Variants in KIZ observed in about 807,000 individuals in gnomAD.
KIZ encodes centrosomal protein kizuna.
In KIZ, 68 loss-of-function variants were observed where a neutral mutation model predicts 79.6. The ratio of observed to expected loss-of-function variants is 0.85; its 90% CI spans 0.70 to 1.05. The LOEUF (loss-of-function observed/expected upper bound fraction) is 1.05. KIZ is among the 50% of genes least tolerant of loss of function. The probability of loss-of-function intolerance (pLI) is 0.00; values close to 1 mark genes in which losing one functional copy is unlikely to be tolerated. For synonymous variants in KIZ, 280 were observed against 281.8 expected (o/e 0.99, Z 0.06); for missense variants, 797 against 800.4 (o/e 1.00, Z 0.05).
chr20:21,240,345 G>A (rs895815625), intron 11 of KIZ, among the ~76,000 whole-genome samples: 3 of 152,124 alleles, frequency 2.0e-5, no homozygotes, highest in African/African-American at 4.8e-5. Context: ...GGCTGATCTC[G>A]AACTCCTGAC....
At chr20:21,125,996 G>A (rs2031418944), upstream of KIZ, 5 of 1,311,436 alleles carry the variant, frequency 3.8e-6, no homozygotes, top group East Asian at 3.1e-5. Context: ...GTCTTGCCCC[G>A]CCTCCTGCAG....
At chr20:21,163,983 T>G (rs1002401067) in intron 6 of KIZ, among the ~76,000 whole-genome samples, 1 of 152,024 alleles carries the variant, frequency 6.6e-6, no homozygotes, top group African/African-American at 2.4e-5. Context: ...CTTTTACAAA[T>G]GAGGAAACGA....
At chr20:21,193,076 G>T (rs1003814370) in intron 6 of KIZ, among the ~76,000 whole-genome samples, 3 of 147,722 alleles carry the variant, frequency 2.0e-5, no homozygotes, top group Non-Finnish European at 2.9e-5. Context: ...GTGGGGGAGG[G>T]AAGGTCAGAG....
intron 6 of KIZ, among the ~76,000 whole-genome samples, chr20:21,191,764 C>T (rs1305294048): frequency 6.6e-6 from 1 of 151,530 alleles, no homozygotes; most frequent in African/African-American, 2.4e-5. Context: ...TGATTTGTAC[C>T]TGAGAAGAAT....
intron 1 of KIZ, among the ~76,000 whole-genome samples, chr20:21,126,700 AG>A (rs1202436883): frequency 6.6e-6 from 1 of 152,104 alleles, no homozygotes; most frequent in Admixed American, 6.6e-5. Flanking sequence ...GGAGACTTTT[AG>A]GGGTAGCGAG....
At chr20:21,156,302 C>G (rs2033378629) in intron 4 of KIZ, among the ~76,000 whole-genome samples, 1 of 151,994 alleles carries the variant, frequency 6.6e-6, no homozygotes, top group African/African-American at 2.4e-5. Flanking sequence ...TCTTTTTTTG[C>G]TGTTCCAGGA....
intron 6 of KIZ, among the ~76,000 whole-genome samples, chr20:21,185,454 G>A (rs1379598437): frequency 7.1e-6 from 1 of 140,934 alleles, no homozygotes; most frequent in Non-Finnish European, 1.5e-5. Flanking sequence ...CTGTCACCCA[G>A]GCTGGAATGC....
rs944935213 is a variant in KIZ, at chr20:21,135,042, C to T, written c.153-1348C>T. On this transcript the variant is annotated intron_variant, in intron 2 of 12. Coordinates refer to ENST00000619189, the MANE Select transcript of KIZ (RefSeq NM_018474.6). ...GCCTTTTCAGCTAGGTCAGGTTGCC[C>T]GGTGTGTAGAAGTCCTTTTTAGTTT... 2.6e-5 allele frequency among the ~76,000 whole-genome samples: 4 copies of T among 152,148 alleles called. No individual in the cohort carries two copies. The South Asian group carries it at 6.2e-4, about 24-fold the overall frequency.
chr20:21,242,764 C>G (rs988744385), intron 11 of KIZ, among the ~76,000 whole-genome samples: 9 of 152,144 alleles, frequency 5.9e-5, no homozygotes, highest in African/African-American at 2.2e-4. Context: ...CCTTGTTCCC[C>G]AGTCCTGTCC....
At chr20:21,134,951 A>ACC (rs761232618) in intron 2 of KIZ, among the ~76,000 whole-genome samples, 1 of 151,592 alleles carries the variant, frequency 6.6e-6, no homozygotes, top group Non-Finnish European at 1.5e-5. Flanking sequence ...ACAGCCATGA[A>ACC]CCCCCATGCC....
chr20:21,182,778 C>T (rs962494648), intron 6 of KIZ, among the ~76,000 whole-genome samples: 16 of 136,368 alleles, frequency 1.2e-4, no homozygotes, highest in African/African-American at 3.9e-4. Context: ...GCCTGGGCAA[C>T]GGAATGAGAC....
chr20:21,162,640 TA>T, intron 5 of KIZ, 133 bp downstream of exon 5: 1 of 805,180 alleles, frequency 1.2e-6, no homozygotes, highest in Non-Finnish European at 1.9e-6. Flanking sequence ...AATGAACTCT[TA>T]AATATGTACA....
At chr20:21,146,378 C>T (rs2032848596) in intron 4 of KIZ, among the ~76,000 whole-genome samples, 1 of 152,156 alleles carries the variant, frequency 6.6e-6, no homozygotes, top group Non-Finnish European at 1.5e-5. Flanking sequence ...AAGCCAACAG[C>T]GTGCTTGTTC....
intron 9 of KIZ, among the ~76,000 whole-genome samples, chr20:21,227,843 T>C (rs989709569): frequency 2.0e-5 from 3 of 152,234 alleles, no homozygotes; most frequent in Non-Finnish European, 4.4e-5. Flanking sequence ...TATCAGATTT[T>C]TCAAAATACT....
At chr20:21,213,317 TG>T (rs1177301118) in intron 7 of KIZ, among the ~76,000 whole-genome samples, 2 of 152,252 alleles carry the variant, frequency 1.3e-5, no homozygotes, top group Non-Finnish European at 2.9e-5. Context: ...TGACTCTCCC[TG>T]TCGGAGTGTC....
At chr20:21,206,846 AT>A (rs1568976526) in intron 7 of KIZ, among the ~76,000 whole-genome samples, 1 of 152,124 alleles carries the variant, frequency 6.6e-6, no homozygotes, top group Admixed American at 6.5e-5. Context: ...CCAAGAGAGA[AT>A]TCGAAGATGC....
At chr20:21,228,662 C>T (rs909641914) in intron 9 of KIZ, among the ~76,000 whole-genome samples, 19 of 152,118 alleles carry the variant, frequency 1.2e-4, no homozygotes, top group African/African-American at 4.6e-4. Flanking sequence ...GACCTGACCA[C>T]CTAGGAAGAC....
chr20:21,182,121 T>G (rs2034679347), intron 6 of KIZ, among the ~76,000 whole-genome samples: 1 of 152,106 alleles, frequency 6.6e-6, no homozygotes, highest in Admixed American at 6.5e-5. Context: ...TAACCCTCAG[T>G]GTGATATTTG....
chr20:21,132,077 T>C lies in KIZ; in HGVS notation c.90-20T>C, dbSNP rs983959616. 7 of 1,015,870 alleles carry C rather than the reference T, an allele frequency of 6.9e-6. No homozygotes were observed. Among genetic ancestry groups the C allele is most frequent in the Non-Finnish European group, 1.0e-5 (7 of 670,996 alleles). 62.9% of individuals were successfully genotyped at this position (1,015,870 alleles called of 1,614,324 possible). On this transcript the variant is annotated intron_variant, in intron 1 of 12. Coordinates refer to ENST00000619189, the MANE Select transcript of KIZ (RefSeq NM_018474.6). The stretch of plus-strand genomic sequence containing the variant: ...CTGTTACTTATCATGTAATTACTTA[T>C]AAAATGTTTTTTATTATAGTGAAAA...
Sources: gnomAD v4.1 joint callset for allele counts (sites outside exome capture counted in the v4.1 genomes callset) on GRCh38, gnomAD v4.1.1 for gene constraint, MANE v1.5 for transcripts, NCBI Gene and HGNC (gene_info 2026-07-23, HGNC 2026-07-21) for gene names.